Variants in EYA2 observed in about 807,000 individuals in gnomAD.
EYA2 encodes the protein EYA transcriptional coactivator and phosphatase 2.
EYA2 carries 31 observed loss-of-function variants against 69.2 expected under a neutral mutation model. That is an observed-to-expected ratio of 0.45 (90% CI 0.34 to 0.60). The LOEUF is 0.60. Among genes scored for constraint, EYA2 ranks in the 20% least tolerant of loss-of-function variants. EYA2 has a pLI of 0.02. For missense variants in EYA2, 622 were observed against 701.2 expected, an observed-to-expected ratio of 0.89 and a Z score of 1.28; for synonymous variants, 257 against 279.4, an observed-to-expected ratio of 0.92 and a Z score of 0.80.
chr20:47,143,230 CCTTT>C (rs1434091038), intron 10 of EYA2, 82 bp downstream of exon 10: 9 of 1,199,736 alleles, frequency 7.5e-6, no homozygotes, highest in Non-Finnish European at 9.3e-6. Flanking sequence ...TGCTGCCTTT[CCTTT>C]CTTTTTCTTT....
At chr20:47,101,785 G>C (rs1370186678) in intron 9 of EYA2, among the ~76,000 whole-genome samples, 1 of 152,182 alleles carries the variant, frequency 6.6e-6, no homozygotes, top group Non-Finnish European at 1.5e-5. Context: ...AGGATGTAGA[G>C]GAGAAGTGTG....
chr20:47,131,495 C>T, intron 9 of EYA2, among the ~76,000 whole-genome samples: 1 of 152,242 alleles, frequency 6.6e-6, no homozygotes, highest in East Asian at 1.9e-4. Context: ...AAGACGTCCA[C>T]ATCCTAGTCC....
At chr20:47,166,773 C>T (rs35757245) in intron 10 of EYA2, among the ~76,000 whole-genome samples, 2,809 of 152,124 alleles carry the variant, frequency 0.018, 97 homozygotes, top group African/African-American at 0.064. Context: ...GAGGTGGGTT[C>T]AGTTATCAGG....
chr20:47,130,422 G>A (rs967521468), intron 9 of EYA2, among the ~76,000 whole-genome samples: 3 of 150,686 alleles, frequency 2.0e-5, no homozygotes, highest in East Asian at 2.0e-4. Context: ...CCGCCATCAC[G>A]CCCCGCTAAT....
At chr20:46,948,867 A>C (rs1239370538) in intron 1 of EYA2, among the ~76,000 whole-genome samples, 1 of 152,188 alleles carries the variant, frequency 6.6e-6, no homozygotes, top group Non-Finnish European at 1.5e-5. Context: ...GTAGTGTTGA[A>C]ATCTATACTT....
intron 2 of EYA2, among the ~76,000 whole-genome samples, chr20:46,996,438 C>T (rs1227892597): frequency 6.6e-6 from 1 of 152,206 alleles, no homozygotes; most frequent in Non-Finnish European, 1.5e-5. Context: ...GAACCTGCAG[C>T]GTCAGCATCA....
In EYA2 at chr20:46,926,298, T is replaced by C. The variant is rs534636728; in HGVS notation, c.-11+31311T>C. Among the ~76,000 whole-genome samples, 3 of 152,304 alleles carry C rather than the reference T, an allele frequency of 2.0e-5. No homozygotes were observed. In the East Asian group the frequency reaches 5.8e-4, roughly 29 times the overall value. ...ATAAAGGATTGGTTCATGCAGTCAT[T>C]CAATTATGGAGGCTGAGAAATCTCA... On this transcript the variant is annotated intron_variant, in intron 1 of 15. Coordinates refer to ENST00000327619, the MANE Select transcript of EYA2 (RefSeq NM_005244.5).
Position 47,004,980 on chromosome 20 carries a change from C to T in EYA2, c.194C>T (p.Ala65Val). Residue 65 changes from alanine (A) to valine (V), a missense_variant, in exon 4 of 16, where the codon GCC (alanine) becomes GTC (valine). By Grantham distance (64) the Ala-to-Val change is moderately conservative. Coordinates refer to ENST00000327619, the MANE Select transcript of EYA2 (RefSeq NM_005244.5). ...GTCCTCCCCCGCCAGCCTTCCACAG[C>T]CATGGCAGCCTACGGCCAGACGCAG... The part of the protein sequence containing the change: ...PRVLPRQPST[A>V]MAAYGQTQYS... The T allele has an allele frequency of 6.2e-7, 1 of 1,614,146 alleles. No homozygotes were observed. Among genetic ancestry groups the T allele is most frequent in the African/African-American group, 1.3e-5 (1 of 75,040 alleles).
chr20:46,937,464 AGGGTTAGTTACTATTATCT>A (rs1369193945), intron 1 of EYA2, among the ~76,000 whole-genome samples: 2 of 152,182 alleles, frequency 1.3e-5, no homozygotes, highest in Non-Finnish European at 2.9e-5. Context: ...ACACTTAATA[AGGGTTAGTTACTATTATCT>A]TATAGTACAG....
intron 1 of EYA2, among the ~76,000 whole-genome samples, chr20:46,927,523 G>A (rs1283503271): frequency 2.7e-5 from 4 of 147,148 alleles, no homozygotes; most frequent in Non-Finnish European, 5.9e-5. Flanking sequence ...CACAATCATG[G>A]CAGAAGGCAA....
chr20:47,031,785 G>A (rs1005209992), intron 5 of EYA2, among the ~76,000 whole-genome samples: 24 of 152,262 alleles, frequency 1.6e-4, no homozygotes, highest in African/African-American at 5.5e-4. Flanking sequence ...AGTCATAGAT[G>A]AAATCTCTCT....
In EYA2 at chr20:47,169,897, TA is replaced by T. The variant is rs2034283727; in HGVS notation, c.1037+701del. ...GGTTGTATTCATTAGCATACATATA[TA>T]TATTTTTTTCTTTTTCTTTTTTTTG... On this transcript the variant is annotated intron_variant, in intron 11 of 15. Transcript: ENST00000327619. Among the ~76,000 whole-genome samples, 7 of 151,974 alleles carry T rather than the reference TA, an allele frequency of 4.6e-5. No individual in the cohort carries two copies. The South Asian group carries it at 1.3e-3, about 27-fold the overall frequency.
intron 8 of EYA2, among the ~76,000 whole-genome samples, chr20:47,093,868 C>A (rs1040363078): frequency 6.6e-6 from 1 of 152,256 alleles, no homozygotes; most frequent in African/African-American, 2.4e-5. Context: ...GGGTATCCAT[C>A]TCAGCCTAGT....
intron 10 of EYA2, among the ~76,000 whole-genome samples, chr20:47,149,582 G>C (rs1600745185): frequency 6.6e-6 from 1 of 151,434 alleles, no homozygotes; most frequent in Admixed American, 6.6e-5. Context: ...GATGGCTCAT[G>C]CCTGTAATCC....
chr20:47,132,133 G>T (rs1210856337), intron 9 of EYA2, among the ~76,000 whole-genome samples: 1 of 152,104 alleles, frequency 6.6e-6, no homozygotes, highest in Non-Finnish European at 1.5e-5. Flanking sequence ...ATTTTTTGTA[G>T]AGATGAAGTC....
intron 8 of EYA2, among the ~76,000 whole-genome samples, chr20:47,094,667 G>C (rs1291194308): frequency 6.6e-6 from 1 of 152,224 alleles, no homozygotes; most frequent in Non-Finnish European, 1.5e-5. Flanking sequence ...ACTAGCTACA[G>C]AGTTAGTCAG....
intron 10 of EYA2, among the ~76,000 whole-genome samples, chr20:47,156,385 A>G (rs1456703757): frequency 2.6e-5 from 4 of 151,176 alleles, no homozygotes; most frequent in Non-Finnish European, 5.9e-5. Flanking sequence ...AGGTAACGCT[A>G]AAGATCTTTG....
Position 47,172,699 on chromosome 20 carries a change from C to G in EYA2, c.1038-8C>G, listed in dbSNP as rs151278820. The G allele has an allele frequency of 1.1e-4, 180 of 1,604,742 alleles. No individual in the cohort carries two copies. Among genetic ancestry groups the G allele is most frequent in the Non-Finnish European group, 1.4e-4 (166 of 1,175,354 alleles). Reference sequence around the variant, plus strand: ...ACTAACACTGTCCCTCCCCTCCTCTCTCCGCAGCACATACAACTTCTCCGC... The same window carrying G: ...ACTAACACTGTCCCTCCCCTCCTCTGTCCGCAGCACATACAACTTCTCCGC... On this transcript the variant is annotated splice_polypyrimidine_tract_variant and splice_region_variant and intron_variant, in intron 11 of 15. Transcript: ENST00000327619.
chr20:47,135,838 A>AC (rs1180572644), intron 9 of EYA2, among the ~76,000 whole-genome samples: 5 of 81,774 alleles, frequency 6.1e-5, no homozygotes, highest in East Asian at 5.5e-4. Context: ...AAAAAAAAAA[A>AC]AAACAAACAA....
Sources: gnomAD v4.1 joint callset for allele counts (sites outside exome capture counted in the v4.1 genomes callset) on GRCh38, gnomAD v4.1.1 for gene constraint, MANE v1.5 for transcripts, NCBI Gene and HGNC (gene_info 2026-07-23, HGNC 2026-07-21) for gene names.